ASIC2: variants seen among roughly 807,000 people sequenced by gnomAD.
ASIC2 encodes the protein acid-sensing ion channel 2.
A neutral mutation model predicts 57.3 loss-of-function variants in ASIC2; 25 were observed. The observed-to-expected ratio is 0.44, with a 90% confidence interval of 0.32 to 0.61. ASIC2 has a LOEUF of 0.61. Among genes scored for constraint, ASIC2 ranks in the 20% least tolerant of loss-of-function variants. The pLI is 0.06. For synonymous variants in ASIC2, 319 were observed against 307.5 expected (o/e 1.04, Z -0.39); for missense variants, 641 against 738.1 (o/e 0.87, Z 1.52).
chr17:33,644,727 C>G (rs1255439161), intron 1 of ASIC2, among the ~76,000 whole-genome samples: 4 of 152,314 alleles, frequency 2.6e-5, no homozygotes, highest in Non-Finnish European at 5.9e-5. Flanking sequence ...AAGTAAATGT[C>G]TAGAGATGCA....
At chr17:33,227,040 C>G (rs892817007) in intron 1 of ASIC2, among the ~76,000 whole-genome samples, 1 of 151,420 alleles carries the variant, frequency 6.6e-6, no homozygotes, top group Non-Finnish European at 1.5e-5. Flanking sequence ...CATTTGAAAT[C>G]CAGTGGGTGT....
chr17:33,927,425 A>G (rs1915846924), intron 1 of ASIC2, among the ~76,000 whole-genome samples: 1 of 152,200 alleles, frequency 6.6e-6, no homozygotes, highest in Admixed American at 6.5e-5. Context: ...ATTCTCATGA[A>G]CAGAAATAGT....
At chr17:33,174,570 C>T (rs1905663493) in intron 1 of ASIC2, among the ~76,000 whole-genome samples, 1 of 152,156 alleles carries the variant, frequency 6.6e-6, no homozygotes, top group Non-Finnish European at 1.5e-5. Context: ...ACATGCACAT[C>T]TTAGTGGGGG....
At chr17:33,907,281 G>A (rs1915369671) in intron 1 of ASIC2, among the ~76,000 whole-genome samples, 1 of 152,190 alleles carries the variant, frequency 6.6e-6, no homozygotes, top group South Asian at 2.1e-4. Flanking sequence ...GACAACTCCA[G>A]CATCCTTCCC....
intron 1 of ASIC2, among the ~76,000 whole-genome samples, chr17:33,554,011 A>T (rs1915830640): frequency 6.6e-6 from 1 of 152,228 alleles, no homozygotes; most frequent in African/African-American, 2.4e-5. Flanking sequence ...ATCCAGAAAC[A>T]GCAGAAATGC....
At chr17:34,125,996 A>T (rs1911770276) in intron 1 of ASIC2, among the ~76,000 whole-genome samples, 1 of 152,154 alleles carries the variant, frequency 6.6e-6, no homozygotes, top group Non-Finnish European at 1.5e-5. Flanking sequence ...ACTGGAGCGG[A>T]GTGGGACTGT....
At chr17:33,437,744 C>T (rs1015150154) in intron 1 of ASIC2, among the ~76,000 whole-genome samples, 5 of 151,804 alleles carry the variant, frequency 3.3e-5, no homozygotes, top group African/African-American at 1.2e-4. Flanking sequence ...TGCAGTGAGC[C>T]GAGATCACAC....
intron 1 of ASIC2, among the ~76,000 whole-genome samples, chr17:33,140,121 T>A (rs4133908): frequency 0.34 from 51,660 of 152,138 alleles, 8,913 homozygotes; most frequent in African/African-American, 0.39. Flanking sequence ...GACTCTCTGA[T>A]AATAAGGCCC....
rs139496945 is a variant in ASIC2, at chr17:33,216,879, C to T, written c.708+74529G>A. Among the ~76,000 whole-genome samples, 136 of 152,072 alleles carry T rather than the reference C, an allele frequency of 8.9e-4. 2 individuals are homozygous for T. In the East Asian group the frequency reaches 0.022, roughly 24 times the overall value. ...GTGGGTGAGCATAGAGAGAACCAGT[C>T]AGGGGGTTGTTTGAATAATTGAGGT... On this transcript the variant is annotated intron_variant, in intron 1 of 9. Coordinates refer to ENST00000225823, the MANE Select transcript of ASIC2 (RefSeq NM_183377.2).
At chr17:33,640,162 T>A (rs1440532263) in intron 1 of ASIC2, among the ~76,000 whole-genome samples, 1 of 151,562 alleles carries the variant, frequency 6.6e-6, no homozygotes, top group Non-Finnish European at 1.5e-5. Flanking sequence ...ATAATAAAGA[T>A]CTAAGAAAGA....
Position 33,151,669 on chromosome 17 carries a change from G to A in ASIC2, c.709-39602C>T, listed in dbSNP as rs191927955. On this transcript the variant is annotated intron_variant, in intron 1 of 9. Transcript: ENST00000225823. Reference sequence around the variant, plus strand: ...TCAGTTATCACGGAGGTGGGTTCCTGATAAAAGGATGGGTTCACCCCACTT... The same window carrying A: ...TCAGTTATCACGGAGGTGGGTTCCTAATAAAAGGATGGGTTCACCCCACTT... 1.1e-3 allele frequency among the ~76,000 whole-genome samples: 174 copies of A among 152,318 alleles called. 2 individuals carry two copies. The highest frequency in any genetic ancestry group is 0.01 in the Middle Eastern group (3 of 294).
intron 1 of ASIC2, among the ~76,000 whole-genome samples, chr17:33,857,895 A>G (rs1914004430): frequency 1.3e-5 from 2 of 152,358 alleles, no homozygotes; most frequent in East Asian, 1.9e-4. Flanking sequence ...TGATTCCTGA[A>G]CAGGACATGG....
intron 1 of ASIC2, among the ~76,000 whole-genome samples, chr17:33,579,057 G>A (rs111753124): frequency 1.7e-3 from 251 of 152,114 alleles, no homozygotes; most frequent in Non-Finnish European, 2.6e-3. Context: ...AGGTCGAAGC[G>A]GGTGGATCAC....
intron 1 of ASIC2, among the ~76,000 whole-genome samples, chr17:33,881,534 A>C (rs1287809883): frequency 6.6e-6 from 1 of 152,158 alleles, no homozygotes; most frequent in South Asian, 2.1e-4. Context: ...GAACAAAATA[A>C]CTAGGAATCC....
At chr17:34,045,057 C>A (rs1908287676) in intron 1 of ASIC2, among the ~76,000 whole-genome samples, 1 of 152,142 alleles carries the variant, frequency 6.6e-6, no homozygotes, top group Non-Finnish European at 1.5e-5. Context: ...GAGGGACGTG[C>A]TTAATGAGAC....
At chr17:33,908,946 A>G (rs1014284632) in intron 1 of ASIC2, among the ~76,000 whole-genome samples, 1 of 152,152 alleles carries the variant, frequency 6.6e-6, no homozygotes, top group Non-Finnish European at 1.5e-5. Flanking sequence ...CCTACTGCTT[A>G]CCTGATGTCC....
At chr17:33,250,590 T>C (rs1309396067) in intron 1 of ASIC2, among the ~76,000 whole-genome samples, 1 of 152,250 alleles carries the variant, frequency 6.6e-6, no homozygotes, top group Non-Finnish European at 1.5e-5. Context: ...ATAAGCTTTA[T>C]TAATTCAATT....
chr17:33,197,546 G>T, intron 1 of ASIC2, among the ~76,000 whole-genome samples: 1 of 152,214 alleles, frequency 6.6e-6, no homozygotes, highest in Non-Finnish European at 1.5e-5. Context: ...GGGCCCAGAT[G>T]GGCCTCACCT....
chr17:33,291,289 C>T (rs536066627), intron 1 of ASIC2, 119 bp downstream of exon 1: 15 of 1,435,258 alleles, frequency 1.0e-5, no homozygotes, highest in Non-Finnish European at 1.4e-5. Context: ...GCCTTGGCAT[C>T]GTGGAGTGGT....
Sources: gnomAD v4.1 joint callset for allele counts (sites outside exome capture counted in the v4.1 genomes callset) on GRCh38, gnomAD v4.1.1 for gene constraint, MANE v1.5 for transcripts, NCBI Gene and HGNC (gene_info 2026-07-23, HGNC 2026-07-21) for gene names.